DPYSL2: variants seen among roughly 807,000 people sequenced by gnomAD.
DPYSL2 encodes the protein dihydropyrimidinase-related protein 2.
Under a neutral mutation model 69.9 loss-of-function variants are expected in DPYSL2, and 13 were observed. The observed-to-expected ratio is 0.19, with a 90% CI of 0.12 to 0.30. DPYSL2 has a LOEUF of 0.30. Ranked by LOEUF, DPYSL2 falls within the 10% of genes least tolerant of loss-of-function variation. The pLI is 1.00. For missense variants in DPYSL2, 587 were observed against 918.9 expected (o/e 0.64, Z 4.67); for synonymous variants, 326 against 359.1 (o/e 0.91, Z 1.04).
chr8:26,557,265 A>C (rs926220531), intron 1 of DPYSL2, among the ~76,000 whole-genome samples: 15 of 152,238 alleles, frequency 9.9e-5, no homozygotes, highest in African/African-American at 3.4e-4. Context: ...GATAAGCCAG[A>C]GACTGGGAGG....
chr8:26,635,150 C>A (rs775676760), intron 8 of DPYSL2, among the ~76,000 whole-genome samples: 10 of 152,234 alleles, frequency 6.6e-5, no homozygotes, highest in Non-Finnish European at 1.3e-4. Context: ...AGGCACATGT[C>A]CCCCAGCCCC....
At position 26,523,493 on chromosome 8, in the gene DPYSL2, T is replaced by C. The variant is rs978147700; in HGVS notation, c.354+8814T>C. On this transcript the variant is annotated intron_variant, in intron 1 of 13. Transcript: ENST00000521913. ...TTCATTCCCCTCTCCTCCCAGCCCC[T>C]GGCAATCACCTTTCTACTTTGTGTC... Among the ~76,000 whole-genome samples the C allele has an allele frequency of 2.0e-5, 3 of 152,264 alleles. No individual in the cohort carries two copies. The East Asian group carries it at 5.8e-4, about 29-fold the overall frequency.
intron 1 of DPYSL2, among the ~76,000 whole-genome samples, chr8:26,574,967 C>G (rs950917358): frequency 6.6e-6 from 1 of 152,116 alleles, no homozygotes; most frequent in Non-Finnish European, 1.5e-5. Context: ...GAGTTTCGCT[C>G]TTGTTGCCCA....
At chr8:26,628,341 G>A (rs531552682) in intron 7 of DPYSL2, among the ~76,000 whole-genome samples, 23 of 152,336 alleles carry the variant, frequency 1.5e-4, no homozygotes, top group Admixed American at 3.3e-4. Flanking sequence ...CCTAGAAGGC[G>A]TGTGGGGAAT....
In DPYSL2 at chr8:26,564,763, A is replaced by T. The variant is rs1195396910; in HGVS notation, c.355-17206A>T. Among the ~76,000 whole-genome samples, 1 of 150,168 alleles carries T rather than the reference A, an allele frequency of 6.7e-6. No individual in the cohort carries two copies. Among genetic ancestry groups the T allele is most frequent in the South Asian group, 2.1e-4 (1 of 4,774 alleles). The stretch of plus-strand genomic sequence containing the variant: ...TCTGTCCCAGTTTCTTTTTAAAAGA[A>T]TTTTTTTTTTAAAAAATTTCAATAG... On this transcript the variant is annotated intron_variant, in intron 1 of 13. Transcript: ENST00000521913. This position sits in a 1 kb window ranked among gnomAD's most constrained non-coding sequence, Gnocchi z 4.8.
intron 1 of DPYSL2, among the ~76,000 whole-genome samples, chr8:26,540,788 C>A (rs953443481): frequency 2.0e-5 from 3 of 151,688 alleles, no homozygotes; most frequent in African/African-American, 7.3e-5. Context: ...GCCTGTAATC[C>A]CAGCTACTCA....
intron 1 of DPYSL2, among the ~76,000 whole-genome samples, chr8:26,551,730 C>T (rs1305119910): frequency 6.6e-6 from 1 of 152,136 alleles, no homozygotes; most frequent in Non-Finnish European, 1.5e-5. Context: ...ACAAAGTAAG[C>T]TCTCAGACCA....
intron 3 of DPYSL2, among the ~76,000 whole-genome samples, chr8:26,604,424 G>A (rs1802062364): frequency 6.6e-6 from 1 of 152,182 alleles, no homozygotes; most frequent in African/African-American, 2.4e-5. Flanking sequence ...ATCTGGATGG[G>A]CCTGGAAGGC....
At chr8:26,632,264 T>C (rs1585560952) in intron 7 of DPYSL2, among the ~76,000 whole-genome samples, 1 of 152,156 alleles carries the variant, frequency 6.6e-6, no homozygotes, top group East Asian at 1.9e-4. Flanking sequence ...TGCCTGGCAT[T>C]GTGGGGATGC....
intron 1 of DPYSL2, among the ~76,000 whole-genome samples, chr8:26,555,956 GTATTATA>G (rs918638422): frequency 8.4e-6 from 1 of 119,712 alleles, no homozygotes; most frequent in Non-Finnish European, 1.6e-5. Context: ...ACATATACAT[GTATTATA>G]TATTATATAT....
chr8:26,551,291 A>G (rs1380020541), intron 1 of DPYSL2, among the ~76,000 whole-genome samples: 1 of 152,238 alleles, frequency 6.6e-6, no homozygotes, highest in Non-Finnish European at 1.5e-5. Context: ...AGGTATATTA[A>G]TTTATGACAA....
chr8:26,652,566 T>A lies in DPYSL2; in HGVS notation c.1776+130T>A. 2.0e-6 allele frequency: 2 copies of A among 1,013,260 alleles called. No homozygotes were observed. Among genetic ancestry groups the A allele is most frequent in the Non-Finnish European group, 2.8e-6 (2 of 711,712 alleles). 62.8% of individuals were successfully genotyped at this position (1,013,260 alleles called of 1,614,324 possible). ...TGGATTCCAGGGATAAGAGGGAGCCTGAATTTTTTATTCCTGGCATTTAAA... is the reference window on the plus strand; with the variant it reads ...TGGATTCCAGGGATAAGAGGGAGCCAGAATTTTTTATTCCTGGCATTTAAA... On this transcript the variant is annotated intron_variant, in intron 12 of 13. Transcript: ENST00000521913. The surrounding 1 kb of genome is among the most constrained non-coding windows in gnomAD (Gnocchi z 6.3).
At position 26,648,820 on chromosome 8, in the gene DPYSL2, C is replaced by T. The variant is rs985396290; in HGVS notation, c.1596+1020C>T. On this transcript the variant is annotated intron_variant, in intron 11 of 13. Transcript: ENST00000521913. This position sits in a 1 kb window ranked among gnomAD's most constrained non-coding sequence, Gnocchi z 4.3. ...ACAGAGGTGTTTGGGCTGCAATGGGCTCAGGCTCAGCTCTGGCTTCTGCCA... is the reference window on the plus strand; with the variant it reads ...ACAGAGGTGTTTGGGCTGCAATGGGTTCAGGCTCAGCTCTGGCTTCTGCCA... Among the ~76,000 whole-genome samples, 1 of 152,234 alleles carries T rather than the reference C, an allele frequency of 6.6e-6. No homozygotes were observed. The highest frequency in any genetic ancestry group is 2.4e-5 in the African/African-American group (1 of 41,466).
In DPYSL2 at chr8:26,626,910, G is replaced by A. The variant is rs77752269; in HGVS notation, c.855+232G>A. 0.018 allele frequency among the ~76,000 whole-genome samples: 2,742 copies of A among 152,296 alleles called. 41 individuals are homozygous for A. Among genetic ancestry groups the A allele is most frequent in the Non-Finnish European group, 0.025 (1,675 of 68,032 alleles). The stretch of plus-strand genomic sequence containing the variant: ...TCTGAGGCTCTGCCCCGCACGGCGT[G>A]TGTGGGAGCGGCACTCAGAACCTCC... On this transcript the variant is annotated intron_variant, in intron 5 of 13. Coordinates refer to ENST00000521913, the MANE Select transcript of DPYSL2 (RefSeq NM_001197293.3). The surrounding 1 kb of genome is among the most constrained non-coding windows in gnomAD (Gnocchi z 4.3).
rs1321223880 is a variant in DPYSL2 at position 26,593,880 on chromosome 8, T to C, written c.628+9897T>C. On this transcript the variant is annotated intron_variant, in intron 3 of 13. Coordinates refer to ENST00000521913, the MANE Select transcript of DPYSL2 (RefSeq NM_001197293.3). The surrounding 1 kb of genome is among the most constrained non-coding windows in gnomAD (Gnocchi z 5.7). ...GACCTAATCACTCTCTAATGATAGG[T>C]CAGGACTGGAATCTTTCCTTGTGGG... is the stretch of plus-strand genomic sequence containing the variant. Among the ~76,000 whole-genome samples the C allele has an allele frequency of 6.6e-6, 1 of 152,136 alleles. No homozygotes were observed. The highest frequency in any genetic ancestry group is 2.4e-5 in the African/African-American group (1 of 41,428).
rs1563408168 is a variant in DPYSL2, at chr8:26,609,310, C to T, written c.629-14833C>T. Among the ~76,000 whole-genome samples, 1 of 152,116 alleles carries T rather than the reference C, an allele frequency of 6.6e-6. No homozygotes were observed. ...TCCGTTCATTTGCTCTTTGTTCTTT[C>T]CTGTTATTAACAATGGCTTTGGGGC... On this transcript the variant is annotated intron_variant, in intron 3 of 13. Transcript: ENST00000521913. The surrounding 1 kb of genome is among the most constrained non-coding windows in gnomAD (Gnocchi z 6.5).
Position 26,634,917 on chromosome 8 carries a change from G to A in DPYSL2, c.1126+17G>A. ...GGAAGAAGGGTGAGTGCTGTGGCCG[G>A]ACTGGCTGATGGCAGGTGGGGAGGT... is the stretch of plus-strand genomic sequence containing the variant. On this transcript the variant is annotated intron_variant, in intron 8 of 13. Coordinates refer to ENST00000521913, the MANE Select transcript of DPYSL2 (RefSeq NM_001197293.3). 6.2e-7 allele frequency: 1 copy of A among 1,613,822 alleles called. No homozygotes were observed. The highest frequency in any genetic ancestry group is 8.5e-7 in the Non-Finnish European group (1 of 1,179,850).
At chr8:26,632,348 A>G (rs897256484) in intron 7 of DPYSL2, among the ~76,000 whole-genome samples, 8 of 152,158 alleles carry the variant, frequency 5.3e-5, no homozygotes, top group Non-Finnish European at 5.9e-5. Flanking sequence ...ACAGAAAGTG[A>G]GTGTAGAGAT....
At position 26,652,599 on chromosome 8, in the gene DPYSL2, A is replaced by G. The variant is rs1803300556; in HGVS notation, c.1776+163A>G. 6.6e-6 allele frequency among the ~76,000 whole-genome samples: 1 copy of G among 152,126 alleles called. No individual in the cohort carries two copies. Among genetic ancestry groups the G allele is most frequent in the Non-Finnish European group, 1.5e-5 (1 of 68,016 alleles). On this transcript the variant is annotated intron_variant, in intron 12 of 13. Coordinates refer to ENST00000521913, the MANE Select transcript of DPYSL2 (RefSeq NM_001197293.3). This position sits in a 1 kb window ranked among gnomAD's most constrained non-coding sequence, Gnocchi z 6.3. ...TTATTCCTGGCATTTAAAATACTGGAGAAGGAGTCAGTCGTGTCCACAGAG... is the reference window on the plus strand; with the variant it reads ...TTATTCCTGGCATTTAAAATACTGGGGAAGGAGTCAGTCGTGTCCACAGAG...
Sources: allele counts gnomAD v4.1 joint callset (sites outside exome capture counted in the v4.1 genomes callset), GRCh38; gene constraint gnomAD v4.1.1; non-coding constraint Gnocchi (gnomAD v3.1); transcripts MANE v1.5; gene names NCBI Gene and HGNC (gene_info 2026-07-23, HGNC 2026-07-21).